The following SUCO variants were observed in gnomAD, a reference collection of about 807,000 sequenced individuals.
SUCO encodes the protein SUN domain containing ossification factor, also known as SUN domain-containing ossification factor.
A neutral mutation model predicts 148.1 loss-of-function variants in SUCO; 57 were observed. The observed-to-expected ratio is 0.38, with a 90% CI of 0.31 to 0.48. The LOEUF is 0.48. Among genes scored for constraint, SUCO ranks in the 20% least tolerant of loss-of-function variants. The probability of loss-of-function intolerance (pLI) is 0.96; values close to 1 mark genes in which losing one functional copy is unlikely to be tolerated. For missense variants in SUCO, 1,331 were observed against 1,468.2 expected (o/e 0.91, Z 1.53); for synonymous variants, 470 against 502.7 (o/e 0.93, Z 0.87).
At chr1:172,555,801 C>A in intron 3 of SUCO, 68 bp from the exon 4 acceptor site, 1 of 1,228,628 alleles carries the variant, frequency 8.1e-7, no homozygotes, top group Non-Finnish European at 1.1e-6. Context: ...TCCATAAATG[C>A]CCGTTCTGCT....
chr1:172,563,026 G>A (rs990352459), intron 6 of SUCO, among the ~76,000 whole-genome samples: 2 of 152,142 alleles, frequency 1.3e-5, no homozygotes, highest in African/African-American at 4.8e-5. Context: ...TTGCCCTTCT[G>A]CTGTGATTGT....
In SUCO at chr1:172,553,376, C is replaced by T; in HGVS notation, c.288+6C>T. 2 of 1,555,534 alleles carry T rather than the reference C, an allele frequency of 1.3e-6. No individual in the cohort carries two copies. Among genetic ancestry groups the T allele is most frequent in the Non-Finnish European group, 1.8e-6 (2 of 1,140,996 alleles). On this transcript the variant is annotated splice_donor_region_variant and intron_variant, in intron 3 of 23. Coordinates refer to ENST00000263688, the MANE Select transcript of SUCO (RefSeq NM_014283.5). ...ATTCTATTGTGGATGTACAAGTAAGCTATGTCGCTTTGATTTTCAATAATA... is the reference window on the plus strand; with the variant it reads ...ATTCTATTGTGGATGTACAAGTAAGTTATGTCGCTTTGATTTTCAATAATA...
rs775740222 is a variant in SUCO, at chr1:172,570,132, A to G, written c.942A>G (p.Glu314=). 1.2e-5 allele frequency: 19 copies of G among 1,588,956 alleles called. No homozygotes were observed. The highest frequency in any genetic ancestry group is 1.7e-4 in the Middle Eastern group (1 of 6,010). ...QKNRNNYASV[E]CGAKILAANP... Reference sequence around the variant, plus strand: ...ATCGAAATAATTATGCCTCAGTAGAATGTGGTGCCAAAATTCTAGCAGCTA... The same window carrying G: ...ATCGAAATAATTATGCCTCAGTAGAGTGTGGTGCCAAAATTCTAGCAGCTA... Residue 314 remains glutamate (E), a synonymous_variant, in exon 8 of 24, where the codon GAA becomes GAG. Transcript: ENST00000263688.
rs2285144 is a variant in SUCO at position 172,533,339 on chromosome 1, T to A, written c.-97T>A. 1 of 1,551,250 alleles carries A rather than the reference T, an allele frequency of 6.4e-7. No individual in the cohort carries two copies. The highest frequency in any genetic ancestry group is 1.4e-5 in the African/African-American group (1 of 73,108). On this transcript the variant is annotated 5_prime_UTR_variant, in exon 1 of 24. Coordinates refer to ENST00000263688, the MANE Select transcript of SUCO (RefSeq NM_014283.5). ...TAGCCCTTAGGACTATCGGTCACATTCTCGCGCTCCTGCTCCGGCTCCTCC... is the reference window on the plus strand; with the variant it reads ...TAGCCCTTAGGACTATCGGTCACATACTCGCGCTCCTGCTCCGGCTCCTCC...
intron 3 of SUCO, among the ~76,000 whole-genome samples, chr1:172,554,957 G>A (rs1247257240): frequency 1.3e-5 from 2 of 151,950 alleles, no homozygotes; most frequent in Non-Finnish European, 2.9e-5. Flanking sequence ...GTGCCTCGAT[G>A]TTTGTTTGTG....
chr1:172,534,909 G>A (rs1242970819), intron 1 of SUCO, among the ~76,000 whole-genome samples: 1 of 152,088 alleles, frequency 6.6e-6, no homozygotes, highest in Non-Finnish European at 1.5e-5. Context: ...GGCTAATAAG[G>A]AAAAGGTGAA....
At position 172,533,557 on chromosome 1, in the gene SUCO, C is replaced by A. The variant is rs79939531; in HGVS notation, c.62+60C>A. Reference sequence around the variant, plus strand: ...GGGGAGTAAATGGGAGGGAGCAGCCCAGGTCACACCCCCTGGTCATTTTGG... The same window carrying A: ...GGGGAGTAAATGGGAGGGAGCAGCCAAGGTCACACCCCCTGGTCATTTTGG... On this transcript the variant is annotated intron_variant, in intron 1 of 23. Transcript: ENST00000263688. 2.3e-3 allele frequency: 3,414 copies of A among 1,463,170 alleles called. 75 individuals are homozygous for A. In the African/African-American group the frequency reaches 0.044, roughly 19 times the overall value. The allele number at this position is 1,463,170 out of a possible 1,614,324, so 90.6% of individuals were successfully genotyped here.
intron 20 of SUCO, 179 bp from the exon 21 acceptor site, chr1:172,601,885 C>A: frequency 4.6e-6 from 1 of 215,794 alleles, no homozygotes; most frequent in Non-Finnish European, 7.9e-6. Context: ...TGGAATGCTG[C>A]AAAGAATTTT....
At chr1:172,579,910 T>G (rs988638610) in intron 15 of SUCO, among the ~76,000 whole-genome samples, 6 of 152,186 alleles carry the variant, frequency 3.9e-5, no homozygotes, top group Non-Finnish European at 8.8e-5. Context: ...TACAAGTAGT[T>G]TTCTTTTTAT....
chr1:172,565,405 GA>G lies in SUCO; in HGVS notation c.733-3610del, dbSNP rs759931959. Reference sequence around the variant, plus strand: ...AAATAATACTTCTAACTTTAGGACAGAAAAGGGCAAGACTAATACTTCCCTA... The same window carrying G: ...AAATAATACTTCTAACTTTAGGACAGAAAGGGCAAGACTAATACTTCCCTA... On this transcript the variant is annotated intron_variant, in intron 6 of 23. Coordinates refer to ENST00000263688, the MANE Select transcript of SUCO (RefSeq NM_014283.5). 7.1e-4 allele frequency among the ~76,000 whole-genome samples: 108 copies of G among 152,344 alleles called. 1 individual carries two copies. The highest frequency in any genetic ancestry group is 1.3e-3 in the Non-Finnish European group (87 of 68,028).
intron 23 of SUCO, chr1:172,609,565 A>G: frequency 1.0e-6 from 1 of 984,794 alleles, no homozygotes; most frequent in South Asian, 4.7e-5. Context: ...TATTAGTATC[A>G]CTCCCTAAAC....
chr1:172,600,245 C>A, intron 20 of SUCO, 77 bp downstream of exon 20: 1 of 1,024,762 alleles, frequency 9.8e-7, no homozygotes, highest in Non-Finnish European at 1.4e-6. Flanking sequence ...TTAACATGAA[C>A]ATGGTACCTA....
Position 172,548,939 on chromosome 1 carries a change from C to T in SUCO, c.63-2573C>T, listed in dbSNP as rs1285605941. Among the ~76,000 whole-genome samples the T allele has an allele frequency of 1.3e-5, 2 of 151,906 alleles. 1 individual carries two copies. ...AGGTAATTTAAAATAGACCACCATA[C>T]TTTTTGTTTATTCTCTTTCCACCTG... On this transcript the variant is annotated intron_variant, in intron 1 of 23. Coordinates refer to ENST00000263688, the MANE Select transcript of SUCO (RefSeq NM_014283.5).
intron 22 of SUCO, 195 bp from the exon 23 acceptor site, chr1:172,608,552 A>G (rs971008767): frequency 1.7e-6 from 1 of 588,238 alleles, no homozygotes; most frequent in Non-Finnish European, 3.0e-6. Flanking sequence ...GAATCATATC[A>G]TCTTCCACCT....
intron 3 of SUCO, among the ~76,000 whole-genome samples, chr1:172,554,974 T>C (rs1274353187): frequency 6.6e-6 from 1 of 152,182 alleles, no homozygotes; most frequent in Non-Finnish European, 1.5e-5. Context: ...TGTGCTCTTG[T>C]ACTGGCCCTC....
chr1:172,604,219 C>A (rs879712180), intron 22 of SUCO, among the ~76,000 whole-genome samples: 1 of 151,904 alleles, frequency 6.6e-6, no homozygotes, highest in Non-Finnish European at 1.5e-5. Context: ...TACTATTTCT[C>A]TTCTCTTTAT....
At chr1:172,600,715 T>A (rs1285569067) in intron 20 of SUCO, among the ~76,000 whole-genome samples, 1 of 151,586 alleles carries the variant, frequency 6.6e-6, no homozygotes, top group East Asian at 1.9e-4. Flanking sequence ...TGTGTGTGTG[T>A]GTGTGTGTGT....
chr1:172,600,912 T>C (rs968175459), intron 20 of SUCO, among the ~76,000 whole-genome samples: 2 of 152,136 alleles, frequency 1.3e-5, no homozygotes, highest in Admixed American at 1.3e-4. Context: ...CAGTGTAATG[T>C]GTTTGACAGC....
At chr1:172,532,412 A>G (rs147229107), upstream of SUCO, 2,551 of 1,330,788 alleles carry the variant, frequency 1.9e-3, 32 homozygotes, top group South Asian at 0.019. Flanking sequence ...GAACCCGGCA[A>G]GCGGCGAAAT....
Sources: allele counts gnomAD v4.1 joint callset (sites outside exome capture counted in the v4.1 genomes callset), GRCh38; gene constraint gnomAD v4.1.1; transcripts MANE v1.5; gene names NCBI Gene and HGNC (gene_info 2026-07-23, HGNC 2026-07-21).